Variants in ZBTB10 observed in about 807,000 individuals in gnomAD.
The protein encoded by ZBTB10 is zinc finger and BTB domain containing 10.
ZBTB10 carries 32 observed loss-of-function variants against 76.4 expected under a neutral mutation model. That is an observed-to-expected ratio of 0.42 (90% CI 0.32 to 0.56). ZBTB10 has a LOEUF of 0.56. ZBTB10 is among the 20% of genes least tolerant of loss of function. ZBTB10 has a pLI of 0.14. For synonymous variants in ZBTB10, 523 were observed against 432.9 expected (o/e 1.21, Z -2.58); for missense variants, 1,057 against 1,098.5 (o/e 0.96, Z 0.53).
Position 80,487,745 on chromosome 8 carries a change from T to G in ZBTB10, c.935T>G (p.Val312Gly). The change falls in exon 1 of 6, where the codon GTC becomes GGC. Residue 312 changes from valine to glycine, a missense_variant. By Grantham distance (109) the Val-to-Gly change is moderately radical (BLOSUM62 -3). Transcript: ENST00000455036. ...YKKTLLLRHH[V>G]STEHKLHEAN... ...AAAACCCTCCTCCTGAGGCACCACGTCTCTACCGAGCACAAACTCCACGAA... is the reference window on the plus strand; with the variant it reads ...AAAACCCTCCTCCTGAGGCACCACGGCTCTACCGAGCACAAACTCCACGAA... 6.2e-7 allele frequency: 1 copy of G among 1,609,902 alleles called. No homozygotes were observed. Among genetic ancestry groups the G allele is most frequent in the Non-Finnish European group, 8.5e-7 (1 of 1,178,052 alleles).
At position 80,500,124 on chromosome 8, in the gene ZBTB10, G is replaced by A; in HGVS notation, c.1603G>A (p.Asp535Asn). 1 of 1,613,888 alleles carries A rather than the reference G, an allele frequency of 6.2e-7. No homozygotes were observed. The highest frequency in any genetic ancestry group is 8.5e-7 in the Non-Finnish European group (1 of 1,179,860). ...EGQIENYQMN[D>N]SSWVQDGSPE... ...CCAAATAGAAAACTACCAAATGAAT[G>A]ACAGTAGTTGGGTCCAGGATGGATC... The change falls in exon 2 of 6, where the codon GAC becomes AAC. Residue 535 changes from aspartate (D) to asparagine (N), a missense_variant. By Grantham distance (23) the Asp-to-Asn change is conservative. This residue lies in a region of ZBTB10 where 306 missense variants were observed against 297.5 expected (regional missense o/e 1.03). Transcript: ENST00000455036.
chr8:80,500,052 G>A lies in ZBTB10; in HGVS notation c.1531G>A (p.Ala511Thr). The change falls in exon 2 of 6, where the codon GCA becomes ACA. Residue 511 changes from alanine (A) to threonine (T), a missense_variant. Transcript: ENST00000455036. The stretch of plus-strand genomic sequence containing the variant: ...GGCAACACGGAATCTTACCAATTTG[G>A]CAAGTAATGTAAAGATTGAAAATGA... The part of the protein sequence containing the change: ...FWATRNLTNL[A>T]SNVKIENDGC... 6.2e-7 allele frequency: 1 copy of A among 1,613,910 alleles called. No homozygotes were observed. The highest frequency in any genetic ancestry group is 8.5e-7 in the Non-Finnish European group (1 of 1,179,852).
rs1436438242 is a variant in ZBTB10 at position 80,523,205 on chromosome 8, T to A, written c.*3677T>A. On this transcript the variant is annotated 3_prime_UTR_variant, in exon 6 of 6. Coordinates refer to ENST00000455036, the MANE Select transcript of ZBTB10 (RefSeq NM_001105539.3). ...GTGACAGAGCTCGAATTTGACCACG[T>A]CTGATTCTGAAGCCCATACTCTTTC... The A allele has an allele frequency of 6.6e-6, 1 of 151,934 alleles. No individual in the cohort carries two copies. The highest frequency in any genetic ancestry group is 1.5e-5 in the Non-Finnish European group (1 of 67,878). 9.4% of individuals were successfully genotyped at this position (151,934 alleles called of 1,614,324 possible).
chr8:80,513,436 T>C (rs572176074), intron 2 of ZBTB10, among the ~76,000 whole-genome samples: 1 of 152,288 alleles, frequency 6.6e-6, no homozygotes, highest in South Asian at 2.1e-4. Context: ...AGCCCCCACT[T>C]CCAGCTAAGC....
At chr8:80,498,778 C>T (rs1815850110) in intron 1 of ZBTB10, among the ~76,000 whole-genome samples, 1 of 152,102 alleles carries the variant, frequency 6.6e-6, no homozygotes, top group Non-Finnish European at 1.5e-5. Flanking sequence ...TAATGAATAC[C>T]TGTATGATAA....
chr8:80,492,084 A>T (rs1214415381), intron 1 of ZBTB10, among the ~76,000 whole-genome samples: 1 of 152,250 alleles, frequency 6.6e-6, no homozygotes, highest in Admixed American at 6.5e-5. Context: ...TTAACACTTT[A>T]GGAAGAAAGT....
At chr8:80,494,628 G>C (rs1314674745) in intron 1 of ZBTB10, among the ~76,000 whole-genome samples, 4 of 151,942 alleles carry the variant, frequency 2.6e-5, no homozygotes, top group Non-Finnish European at 5.9e-5. Flanking sequence ...CCTATTAACA[G>C]TAGCTTTCCA....
chr8:80,485,649 TGCCTC>T, upstream of ZBTB10: 1 of 669,902 alleles, frequency 1.5e-6, no homozygotes, highest in Non-Finnish European at 2.4e-6. Context: ...CCCGAGGTGC[TGCCTC>T]GCACAATGCA....
In ZBTB10 at chr8:80,522,621, C is replaced by CACACT. The variant is rs1385923237; in HGVS notation, c.*3095_*3099dup. 7 of 151,976 alleles carry CACACT rather than the reference C, an allele frequency of 4.6e-5. No individual in the cohort carries two copies. Among genetic ancestry groups the CACACT allele is most frequent in the Admixed American group, 1.3e-4 (2 of 15,230 alleles). 9.4% of individuals were successfully genotyped at this position (151,976 alleles called of 1,614,324 possible). A position where few individuals can be genotyped will look rare whatever the true frequency, so the allele number is the denominator to read the frequency against. On this transcript the variant is annotated 3_prime_UTR_variant, in exon 6 of 6. Transcript: ENST00000455036. ...TGAGTAGCTTTGAAATTGGGGAAAA[C>CACACT]ACACTAGCTGGGTTAGGTACAGCTA...
At chr8:80,501,004 C>G (rs1292950459) in intron 2 of ZBTB10, among the ~76,000 whole-genome samples, 1 of 152,118 alleles carries the variant, frequency 6.6e-6, no homozygotes. Flanking sequence ...GTAGCTGGGA[C>G]TGCAGGTGCG....
rs1340709164 is a variant in ZBTB10, at chr8:80,486,444, A to G, written c.-367A>G. 25 of 984,536 alleles carry G rather than the reference A, an allele frequency of 2.5e-5. No homozygotes were observed. Among genetic ancestry groups the G allele is most frequent in the Non-Finnish European group, 3.0e-5 (25 of 829,854 alleles). The allele number at this position is 984,536 out of a possible 1,614,324, so 61.0% of individuals were successfully genotyped here. A position where few individuals can be genotyped will look rare whatever the true frequency, so the allele number is the denominator to read the frequency against. ...CGCGGCTTTAAAGAGGGGGCAGCGG[A>G]GGGTCTCCCCGCACTCCGCTGCTCA... is the stretch of plus-strand genomic sequence containing the variant. On this transcript the variant is annotated 5_prime_UTR_variant, in exon 1 of 6. Coordinates refer to ENST00000455036, the MANE Select transcript of ZBTB10 (RefSeq NM_001105539.3).
chr8:80,495,010 G>A (rs1815744601), intron 1 of ZBTB10, among the ~76,000 whole-genome samples: 1 of 151,116 alleles, frequency 6.6e-6, no homozygotes, highest in African/African-American at 2.4e-5. Flanking sequence ...TCTCCACCTT[G>A]CTGCCATAGG....
chr8:80,493,192 A>AGCGCGCGC (rs1815676493), intron 1 of ZBTB10, among the ~76,000 whole-genome samples: 1 of 117,684 alleles, frequency 8.5e-6, no homozygotes, highest in Non-Finnish European at 1.8e-5. Context: ...TGTGCCTCAA[A>AGCGCGCGC]ACGCGCGCGC....
At chr8:80,517,259 A>G (rs893757270) in intron 3 of ZBTB10, among the ~76,000 whole-genome samples, 2 of 152,174 alleles carry the variant, frequency 1.3e-5, no homozygotes, top group African/African-American at 4.8e-5. Flanking sequence ...GTAGGGAGAC[A>G]AGTTTTTGGT....
At chr8:80,519,180 A>G (rs757709993) in intron 5 of ZBTB10, 43 bp from the exon 6 acceptor site, 35 of 1,557,672 alleles carry the variant, frequency 2.2e-5, no homozygotes, top group South Asian at 1.4e-4. Context: ...GCATTCTATT[A>G]TATATAATAT....
intron 3 of ZBTB10, among the ~76,000 whole-genome samples, chr8:80,518,093 C>T (rs1227721620): frequency 6.6e-6 from 1 of 151,802 alleles, no homozygotes; most frequent in East Asian, 1.9e-4. Flanking sequence ...TTGCAAACTC[C>T]TGGGCTCAAG....
chr8:80,493,086 T>C (rs1815672695), intron 1 of ZBTB10, among the ~76,000 whole-genome samples: 1 of 151,596 alleles, frequency 6.6e-6, no homozygotes, highest in South Asian at 2.1e-4. Flanking sequence ...TGGTGGCAGG[T>C]GCCTGTAATC....
chr8:80,493,209 A>C (rs55832593), intron 1 of ZBTB10, among the ~76,000 whole-genome samples: 2 of 73,310 alleles, frequency 2.7e-5, no homozygotes, highest in Admixed American at 2.4e-4. Context: ...GCGCGCGCGC[A>C]CACACACACA....
chr8:80,486,026 G>T (rs1815437619), upstream of ZBTB10: 1 of 907,652 alleles, frequency 1.1e-6, no homozygotes, highest in Non-Finnish European at 1.5e-6. Context: ...CCAACCCCTC[G>T]GCCGACTTCC....
Sources: allele counts gnomAD v4.1 joint callset (sites outside exome capture counted in the v4.1 genomes callset), GRCh38; gene constraint gnomAD v4.1.1; regional missense constraint gnomAD v4.1.1; transcripts MANE v1.5; gene names NCBI Gene and HGNC (gene_info 2026-07-23, HGNC 2026-07-21).